Variants in KLHL29 observed in about 807,000 individuals in gnomAD.
The protein encoded by KLHL29 is kelch-like protein 29.
KLHL29 carries 21 observed loss-of-function variants against 80.4 expected under a neutral mutation model. That is an observed-to-expected ratio of 0.26 (90% CI 0.19 to 0.38). KLHL29 has a LOEUF of 0.38. Among genes scored for constraint, KLHL29 ranks in the 10% least tolerant of loss-of-function variants. The pLI is 1.00. For missense variants in KLHL29, 867 were observed against 1,223.9 expected (o/e 0.71, Z 4.35); for synonymous variants, 511 against 526.8 (o/e 0.97, Z 0.41).
chr2:23,594,942 G>A (rs1668359898), intron 3 of KLHL29, among the ~76,000 whole-genome samples: 1 of 152,148 alleles, frequency 6.6e-6, no homozygotes, highest in South Asian at 2.1e-4. Flanking sequence ...CTACAAAGCA[G>A]GATAGCTGCT....
chr2:23,474,305 G>C (rs1056171431), intron 1 of KLHL29, among the ~76,000 whole-genome samples: 3 of 152,096 alleles, frequency 2.0e-5, no homozygotes, highest in African/African-American at 7.2e-5. Flanking sequence ...ACCTAAAAAT[G>C]GTTTGACCCC....
intron 1 of KLHL29, among the ~76,000 whole-genome samples, chr2:23,405,746 A>T (rs927079914): frequency 6.6e-6 from 1 of 152,226 alleles, no homozygotes; most frequent in Non-Finnish European, 1.5e-5. Context: ...CCCAAGAGCT[A>T]CAATGCCGTT....
chr2:23,611,384 C>T (rs970635564), intron 3 of KLHL29, among the ~76,000 whole-genome samples: 2 of 152,230 alleles, frequency 1.3e-5, no homozygotes, highest in African/African-American at 4.8e-5. Flanking sequence ...TCCAGTGACC[C>T]CTGTACTTTC....
At chr2:23,535,657 G>A (rs1398059243) in intron 2 of KLHL29, among the ~76,000 whole-genome samples, 1 of 152,198 alleles carries the variant, frequency 6.6e-6, no homozygotes. Context: ...GCCAGACAAA[G>A]GAAAGGATAA....
intron 2 of KLHL29, among the ~76,000 whole-genome samples, chr2:23,515,870 C>T (rs2103465509): frequency 6.6e-6 from 1 of 152,308 alleles, no homozygotes; most frequent in East Asian, 1.9e-4. Flanking sequence ...TCTGTGGTGG[C>T]TCCATGAGTG....
intron 2 of KLHL29, among the ~76,000 whole-genome samples, chr2:23,517,437 G>A (rs1464821074): frequency 6.6e-6 from 1 of 152,218 alleles, no homozygotes; most frequent in Non-Finnish European, 1.5e-5. Context: ...CGGTTACTCA[G>A]GAGGCTGAGG....
chr2:23,445,817 G>T (rs180790603), intron 1 of KLHL29, among the ~76,000 whole-genome samples: 1 of 152,248 alleles, frequency 6.6e-6, no homozygotes, highest in African/African-American at 2.4e-5. Context: ...GAGTGTTTCT[G>T]TTTTGTTGTA....
intron 3 of KLHL29, among the ~76,000 whole-genome samples, chr2:23,626,481 G>T (rs1391805084): frequency 6.6e-6 from 1 of 152,222 alleles, no homozygotes. Flanking sequence ...TGGGCACTTA[G>T]ATCTTGGCCT....
intron 3 of KLHL29, among the ~76,000 whole-genome samples, chr2:23,622,819 A>G (rs147796704): frequency 2.7e-4 from 41 of 152,346 alleles, no homozygotes; most frequent in African/African-American, 8.9e-4. Flanking sequence ...TCCTTTGCAC[A>G]TATTAGTTCA....
chr2:23,611,197 G>T (rs1668863073), intron 3 of KLHL29, among the ~76,000 whole-genome samples: 1 of 152,198 alleles, frequency 6.6e-6, no homozygotes, highest in Non-Finnish European at 1.5e-5. Flanking sequence ...TTCGATTCGG[G>T]TCTGGGAAGC....
At chr2:23,540,273 C>T (rs1461877880) in intron 2 of KLHL29, among the ~76,000 whole-genome samples, 2 of 152,240 alleles carry the variant, frequency 1.3e-5, no homozygotes, top group Admixed American at 6.5e-5. Context: ...ACAGTAGCCA[C>T]TAGCCAGTAT....
At chr2:23,689,474 C>T (rs1267957160) in intron 6 of KLHL29, 1 of 152,520 alleles carries the variant, frequency 6.6e-6, no homozygotes, top group Non-Finnish European at 1.5e-5. Flanking sequence ...CACCCCTCCC[C>T]ACCGGGGGAC....
At chr2:23,645,357 A>C (rs1465951852) in intron 5 of KLHL29, among the ~76,000 whole-genome samples, 2 of 152,142 alleles carry the variant, frequency 1.3e-5, no homozygotes, top group African/African-American at 4.8e-5. Flanking sequence ...TACATCTCTG[A>C]AGCCCAATTG....
chr2:23,582,491 G>T (rs1668011728), intron 3 of KLHL29, among the ~76,000 whole-genome samples: 1 of 152,116 alleles, frequency 6.6e-6, no homozygotes, highest in Non-Finnish European at 1.5e-5. Flanking sequence ...CTGGTGTCAG[G>T]GGTCCCGGGG....
intron 4 of KLHL29, among the ~76,000 whole-genome samples, chr2:23,641,467 T>C (rs1437287040): frequency 6.6e-6 from 1 of 152,138 alleles, no homozygotes; most frequent in Non-Finnish European, 1.5e-5. Flanking sequence ...GAGGGCCCAG[T>C]GAACACCCCC....
At position 23,684,739 on chromosome 2, in the gene KLHL29, C is replaced by T. The variant is rs559462890; in HGVS notation, c.1079+202C>T. Among the ~76,000 whole-genome samples the T allele has an allele frequency of 6.6e-6, 1 of 152,286 alleles. No individual in the cohort carries two copies. Among genetic ancestry groups the T allele is most frequent in the Non-Finnish European group, 1.5e-5 (1 of 68,018 alleles). The stretch of plus-strand genomic sequence containing the variant: ...GAGCAGCCACTGCGCCCAGCACCCG[C>T]CCCCACCCACAGCTTTGCTGTCACC... On this transcript the variant is annotated intron_variant, in intron 6 of 13. Transcript: ENST00000486442. The surrounding 1 kb of genome is among the most constrained non-coding windows in gnomAD (Gnocchi z 4.4).
chr2:23,424,785 C>T (rs1400062457), intron 1 of KLHL29, among the ~76,000 whole-genome samples: 5 of 152,224 alleles, frequency 3.3e-5, no homozygotes, highest in Non-Finnish European at 7.3e-5. Flanking sequence ...ACTTATAAAT[C>T]TCTCTCCGAA....
At chr2:23,694,466 G>A (rs1046723695) in intron 8 of KLHL29, among the ~76,000 whole-genome samples, 5 of 152,058 alleles carry the variant, frequency 3.3e-5, no homozygotes, top group African/African-American at 1.2e-4. Context: ...CCTCCAGCCT[G>A]AGCGGTCTCT....
chr2:23,547,717 G>A (rs1046325343), intron 2 of KLHL29, among the ~76,000 whole-genome samples: 2 of 151,832 alleles, frequency 1.3e-5, no homozygotes, highest in Non-Finnish European at 2.9e-5. Context: ...CTAACAGAGT[G>A]CATGTGAAAA....
Sources: allele counts gnomAD v4.1 joint callset (sites outside exome capture counted in the v4.1 genomes callset), GRCh38; gene constraint gnomAD v4.1.1; non-coding constraint Gnocchi (gnomAD v3.1); transcripts MANE v1.5; gene names NCBI Gene and HGNC (gene_info 2026-07-23, HGNC 2026-07-21).